Variants in RBFOX1 observed in about 807,000 individuals in gnomAD.
RBFOX1 encodes RNA binding protein fox-1 homolog 1.
Under a neutral mutation model 57.7 loss-of-function variants are expected in RBFOX1, and 8 were observed. That is an observed-to-expected ratio of 0.14 (90% CI 0.08 to 0.25). RBFOX1 has a LOEUF of 0.25. RBFOX1 is among the 10% of genes least tolerant of loss of function. The pLI is 1.00. For missense variants in RBFOX1, 611 were observed against 548.5 expected (o/e 1.11, Z -1.14); for synonymous variants, 326 against 222.4 (o/e 1.47, Z -4.15).
intron 1 of RBFOX1, among the ~76,000 whole-genome samples, chr16:6,134,259 A>G (rs1027210479): frequency 1.3e-5 from 2 of 152,096 alleles, no homozygotes; most frequent in Non-Finnish European, 2.9e-5. Flanking sequence ...TATAGTATTC[A>G]GCACCCCTTG....
chr16:6,209,320 C>A (rs748398305), intron 1 of RBFOX1, among the ~76,000 whole-genome samples: 3 of 152,194 alleles, frequency 2.0e-5, no homozygotes, highest in Non-Finnish European at 4.4e-5. Context: ...ACATTATGTT[C>A]CCCTGGGTTG....
At chr16:5,575,001 A>T (rs2046406297) in intron 2 of RBFOX1, among the ~76,000 whole-genome samples, 1 of 152,190 alleles carries the variant, frequency 6.6e-6, no homozygotes, top group Non-Finnish European at 1.5e-5. Flanking sequence ...CCCCTGGCTA[A>T]CCAGATAACA....
At chr16:5,627,749 A>G (rs1459699055) in intron 3 of RBFOX1, among the ~76,000 whole-genome samples, 1 of 152,228 alleles carries the variant, frequency 6.6e-6, no homozygotes, top group East Asian at 1.9e-4. Context: ...AACTATTTAC[A>G]TAGCATTTAC....
At chr16:6,683,016 C>T (rs79773192) in intron 3 of RBFOX1, among the ~76,000 whole-genome samples, 4,729 of 152,002 alleles carry the variant, frequency 0.031, 252 homozygotes, top group African/African-American at 0.11. Context: ...GGAGTGAGGA[C>T]AGCTTCTCCA....
At chr16:5,506,301 T>C (rs556777922) in intron 2 of RBFOX1, among the ~76,000 whole-genome samples, 1 of 152,202 alleles carries the variant, frequency 6.6e-6, no homozygotes, top group Non-Finnish European at 1.5e-5. Flanking sequence ...CTTGGCAGCC[T>C]GCAGGCACAG....
chr16:7,457,850 C>T (rs141925291), intron 4 of RBFOX1, among the ~76,000 whole-genome samples: 1,705 of 152,282 alleles, frequency 0.011, 17 homozygotes, highest in Non-Finnish European at 0.019. Context: ...ATATGATCCA[C>T]TTGGCCACAG....
intron 3 of RBFOX1, among the ~76,000 whole-genome samples, chr16:6,985,918 A>C (rs994265549): frequency 2.7e-5 from 4 of 149,996 alleles, no homozygotes; most frequent in Non-Finnish European, 5.9e-5. Flanking sequence ...TAATCTGCAA[A>C]TGAATGTGAA....
chr16:7,156,654 A>G (rs902465145), intron 4 of RBFOX1, among the ~76,000 whole-genome samples: 9 of 152,094 alleles, frequency 5.9e-5, no homozygotes, highest in African/African-American at 2.2e-4. Flanking sequence ...AATACACTAC[A>G]TTTAATTTTT....
At chr16:5,665,132 G>GT (rs1567367623) in intron 3 of RBFOX1, among the ~76,000 whole-genome samples, 1 of 78,278 alleles carries the variant, frequency 1.3e-5, no homozygotes, top group African/African-American at 1.0e-4. Context: ...ATTTTTACAT[G>GT]GGGGGGGGCG....
intron 1 of RBFOX1, among the ~76,000 whole-genome samples, chr16:6,300,419 TACA>T (rs1197156140): frequency 6.6e-6 from 1 of 152,168 alleles, no homozygotes; most frequent in Non-Finnish European, 1.5e-5. Flanking sequence ...CATCATGTTG[TACA>T]CCATAAATAT....
intron 4 of RBFOX1, among the ~76,000 whole-genome samples, chr16:7,462,555 G>T (rs1442928560): frequency 6.6e-6 from 1 of 152,236 alleles, no homozygotes; most frequent in Non-Finnish European, 1.5e-5. Flanking sequence ...TGGGTTAGAA[G>T]TGTAACTTCG....
rs115363866 is a variant in RBFOX1 at position 5,877,060 on chromosome 16, A to G, written c.351+9725A>G. Among the ~76,000 whole-genome samples the G allele has an allele frequency of 6.2e-3, 940 of 152,324 alleles. 11 individuals carry two copies. The highest frequency in any genetic ancestry group is 0.021 in the African/African-American group (862 of 41,584). On this transcript the variant is annotated intron_variant, in intron 4 of 19. Coordinates refer to the RBFOX1 transcript ENST00000641259. ...AAAGATTTATAAAGGGTCAGAGAAG[A>G]AGGAGGAGATCCATGTAGGGCACTG...
At chr16:7,528,835 A>G (rs895184114) in intron 5 of RBFOX1, among the ~76,000 whole-genome samples, 4 of 152,356 alleles carry the variant, frequency 2.6e-5, no homozygotes, top group African/African-American at 9.6e-5. Flanking sequence ...GAAGTTGGCT[A>G]TTCTCTGTTG....
chr16:7,202,864 G>C (rs1035494046), intron 4 of RBFOX1, among the ~76,000 whole-genome samples: 1 of 152,166 alleles, frequency 6.6e-6, no homozygotes, highest in Non-Finnish European at 1.5e-5. Context: ...AAAAAGGTTG[G>C]GGTCTGCTGA....
intron 3 of RBFOX1, among the ~76,000 whole-genome samples, chr16:5,831,514 T>C (rs2056274796): frequency 6.7e-6 from 1 of 148,734 alleles, no homozygotes; most frequent in Non-Finnish European, 1.5e-5. Context: ...TTATTTGAGA[T>C]GGAGTTTCGC....
chr16:6,864,020 T>G (rs1359599620), intron 3 of RBFOX1, among the ~76,000 whole-genome samples: 1 of 150,936 alleles, frequency 6.6e-6, no homozygotes, highest in African/African-American at 2.4e-5. Context: ...GATTATGCCT[T>G]GCAAAACCTC....
chr16:7,144,999 G>C (rs1349171941), intron 4 of RBFOX1, among the ~76,000 whole-genome samples: 1 of 152,084 alleles, frequency 6.6e-6, no homozygotes, highest in Non-Finnish European at 1.5e-5. Context: ...AAACAGGTCA[G>C]CTGACGTTGT....
intron 4 of RBFOX1, among the ~76,000 whole-genome samples, chr16:7,364,399 T>C (rs959075030): frequency 2.0e-5 from 3 of 152,194 alleles, no homozygotes; most frequent in Non-Finnish European, 2.9e-5. Flanking sequence ...TGCTAATTCA[T>C]AGATCTTGAG....
intron 1 of RBFOX1, among the ~76,000 whole-genome samples, chr16:6,050,116 G>A (rs1035903801): frequency 2.0e-5 from 3 of 151,884 alleles, no homozygotes; most frequent in Non-Finnish European, 2.9e-5. Flanking sequence ...ATGCCACGAC[G>A]CCTGACTAAT....
Sources: gnomAD v4.1 joint callset for allele counts (sites outside exome capture counted in the v4.1 genomes callset) on GRCh38, gnomAD v4.1.1 for gene constraint, MANE v1.5 for transcripts, NCBI Gene and HGNC (gene_info 2026-07-23, HGNC 2026-07-21) for gene names.